CSMD3: variants seen among roughly 807,000 people sequenced by gnomAD.
CSMD3 encodes CUB and sushi domain-containing protein 3.
Under a neutral mutation model 435.2 loss-of-function variants are expected in CSMD3, and 177 were observed. That is an observed-to-expected ratio of 0.41 (90% confidence interval 0.36 to 0.46). CSMD3 has a LOEUF of 0.46. Among genes scored for constraint, CSMD3 ranks in the 20% least tolerant of loss-of-function variants. CSMD3 has a pLI of 0.34. For missense variants in CSMD3, 4,265 were observed against 4,504.6 expected, an observed-to-expected ratio of 0.95 and a Z score of 1.52; for synonymous variants, 1,656 against 1,520.5, an observed-to-expected ratio of 1.09 and a Z score of -2.07.
chr8:112,512,804 T>G (rs946088103), intron 28 of CSMD3, among the ~76,000 whole-genome samples: 1 of 152,206 alleles, frequency 6.6e-6, no homozygotes, highest in African/African-American at 2.4e-5. Context: ...TCATCTACAT[T>G]GAAAACTGTT....
At chr8:112,271,972 A>G (rs1215403750) in intron 59 of CSMD3, among the ~76,000 whole-genome samples, 1 of 152,162 alleles carries the variant, frequency 6.6e-6, no homozygotes, top group Non-Finnish European at 1.5e-5. Flanking sequence ...GCCTTCTAAA[A>G]GTGTGGGAGG....
At chr8:113,058,547 T>C (rs1273655014) in intron 5 of CSMD3, among the ~76,000 whole-genome samples, 1 of 151,952 alleles carries the variant, frequency 6.6e-6, no homozygotes, top group African/African-American at 2.4e-5. Context: ...ATGGAATAAG[T>C]CAATTTATTC....
intron 58 of CSMD3, among the ~76,000 whole-genome samples, chr8:112,283,301 T>C (rs1299274021): frequency 6.6e-6 from 1 of 151,868 alleles, no homozygotes; most frequent in Non-Finnish European, 1.5e-5. Flanking sequence ...ATATTTTATA[T>C]GTTTGCCTTT....
chr8:112,353,244 AT>A (rs1167495979), intron 38 of CSMD3, among the ~76,000 whole-genome samples: 1 of 152,064 alleles, frequency 6.6e-6, no homozygotes, highest in Non-Finnish European at 1.5e-5. Context: ...TACAAAAATT[AT>A]CCAGGTGTGG....
intron 53 of CSMD3, 103 bp downstream of exon 53, chr8:112,301,690 G>T (rs1820937795): frequency 4.7e-6 from 4 of 853,310 alleles, no homozygotes; most frequent in Non-Finnish European, 7.8e-6. Flanking sequence ...CATACTTACT[G>T]AATGAATATA....
At chr8:112,828,146 C>G (rs1256854959) in intron 12 of CSMD3, among the ~76,000 whole-genome samples, 2 of 152,024 alleles carry the variant, frequency 1.3e-5, no homozygotes, top group Admixed American at 1.3e-4. Flanking sequence ...TTAGTAGAAA[C>G]TATTGATTAT....
chr8:113,136,806 T>C (rs1001250596), intron 4 of CSMD3, among the ~76,000 whole-genome samples: 5 of 151,616 alleles, frequency 3.3e-5, no homozygotes, highest in Non-Finnish European at 7.4e-5. Context: ...AGAATGTTCA[T>C]AGATAGTGGG....
chr8:113,048,521 G>A (rs1219940235), intron 5 of CSMD3, among the ~76,000 whole-genome samples: 1 of 152,128 alleles, frequency 6.6e-6, no homozygotes, highest in East Asian at 1.9e-4. Flanking sequence ...TTATAAAGCA[G>A]TATTTTATGA....
intron 1 of CSMD3, among the ~76,000 whole-genome samples, chr8:113,410,691 C>T (rs1282454066): frequency 2.0e-5 from 3 of 150,300 alleles, no homozygotes; most frequent in Non-Finnish European, 4.4e-5. Context: ...GGGAGGATTG[C>T]TTGAGCACAG....
intron 3 of CSMD3, among the ~76,000 whole-genome samples, chr8:113,190,114 C>A (rs1392269537): frequency 6.6e-6 from 1 of 151,304 alleles, no homozygotes; most frequent in African/African-American, 2.4e-5. Flanking sequence ...TAGCAAAAAA[C>A]ACAATTACTT....
At chr8:113,246,006 G>A (rs1296058512) in intron 3 of CSMD3, among the ~76,000 whole-genome samples, 1 of 151,878 alleles carries the variant, frequency 6.6e-6, no homozygotes, top group East Asian at 1.9e-4. Flanking sequence ...TGTGTGATTA[G>A]TTGTTTTTCT....
chr8:112,691,957 C>T (rs1003857120), intron 13 of CSMD3, among the ~76,000 whole-genome samples: 3 of 151,868 alleles, frequency 2.0e-5, no homozygotes, highest in Non-Finnish European at 4.4e-5. Context: ...CTCGTGCCAC[C>T]ATGCCCAAGT....
chr8:113,211,120 T>C (rs1486012056), intron 3 of CSMD3, among the ~76,000 whole-genome samples: 3 of 152,152 alleles, frequency 2.0e-5, no homozygotes, highest in Non-Finnish European at 4.4e-5. Context: ...TGACTGGAAA[T>C]TGACTCAGGC....
intron 22 of CSMD3, among the ~76,000 whole-genome samples, chr8:112,593,578 TAAAGCCAC>T (rs1563743620): frequency 6.6e-6 from 1 of 152,138 alleles, no homozygotes; most frequent in African/African-American, 2.4e-5. Flanking sequence ...ATTGATCTTT[TAAAGCCAC>T]AGACAAAAAG....
intron 55 of CSMD3, 106 bp from the exon 56 acceptor site, chr8:112,291,801 C>G (rs890022529): frequency 1.1e-5 from 8 of 730,868 alleles, no homozygotes; most frequent in Non-Finnish European, 1.8e-5. Flanking sequence ...TAAATTTATT[C>G]AAACAACCAG....
intron 22 of CSMD3, among the ~76,000 whole-genome samples, chr8:112,633,792 T>C (rs991006426): frequency 1.2e-4 from 19 of 152,060 alleles, no homozygotes; most frequent in Non-Finnish European, 2.6e-4. Context: ...GTTCCCTTAC[T>C]ATCCAGAATC....
intron 4 of CSMD3, among the ~76,000 whole-genome samples, chr8:113,127,679 C>T (rs1035758909): frequency 2.0e-5 from 3 of 152,044 alleles, no homozygotes; most frequent in Non-Finnish European, 4.4e-5. Context: ...AAATTCTAAT[C>T]TCCTTTAATC....
chr8:113,336,866 T>A (rs926462711), intron 1 of CSMD3, among the ~76,000 whole-genome samples: 1 of 152,110 alleles, frequency 6.6e-6, no homozygotes, highest in Admixed American at 6.6e-5. Flanking sequence ...ATTCTAGCTC[T>A]TTCAAGCACC....
chr8:113,226,431 G>C (rs572379990), intron 3 of CSMD3, among the ~76,000 whole-genome samples: 171 of 151,568 alleles, frequency 1.1e-3, no homozygotes, highest in African/African-American at 3.9e-3. Context: ...TCCTATCCTT[G>C]CAAGTCAAAA....
Sources: gnomAD v4.1 joint callset for allele counts (sites outside exome capture counted in the v4.1 genomes callset) on GRCh38, gnomAD v4.1.1 for gene constraint, MANE v1.5 for transcripts, NCBI Gene and HGNC (gene_info 2026-07-23, HGNC 2026-07-21) for gene names.